PTPRM: variants seen among roughly 807,000 people sequenced by gnomAD.
PTPRM encodes receptor-type tyrosine-protein phosphatase mu.
Under a neutral mutation model 186.7 loss-of-function variants are expected in PTPRM, and 47 were observed. The ratio of observed to expected loss-of-function variants is 0.25; its 90% CI spans 0.20 to 0.32. PTPRM has a LOEUF of 0.32. PTPRM is among the 10% of genes least tolerant of loss of function. The pLI, the probability that PTPRM is intolerant of heterozygous loss-of-function variation, is 1.00. For missense variants in PTPRM, 1,494 were observed against 1,865.0 expected (o/e 0.80, Z 3.66); for synonymous variants, 668 against 674.9 (o/e 0.99, Z 0.16).
intron 7 of PTPRM, among the ~76,000 whole-genome samples, chr18:8,028,677 T>A (rs2085735621): frequency 6.6e-6 from 1 of 152,210 alleles, no homozygotes; most frequent in Non-Finnish European, 1.5e-5. Context: ...ATTTATTAAA[T>A]ACTTACTATA....
chr18:7,849,760 C>T (rs1246827363), intron 2 of PTPRM, among the ~76,000 whole-genome samples: 1 of 152,152 alleles, frequency 6.6e-6, no homozygotes, highest in Non-Finnish European at 1.5e-5. Flanking sequence ...TGTGTCTTTA[C>T]TTAGCAAAGG....
At chr18:7,813,781 G>C (rs769740704) in intron 2 of PTPRM, among the ~76,000 whole-genome samples, 2 of 150,990 alleles carry the variant, frequency 1.3e-5, no homozygotes, top group Non-Finnish European at 1.5e-5. Flanking sequence ...CCCTATGGGA[G>C]ATGAGTTGTC....
In PTPRM at chr18:7,615,765, A is replaced by G. The variant is rs376690398; in HGVS notation, c.73+47874A>G. Among the ~76,000 whole-genome samples, 122 of 152,154 alleles carry G rather than the reference A, an allele frequency of 8.0e-4. 1 individual carries two copies. Among genetic ancestry groups the G allele is most frequent in the Admixed American group, 7.1e-3 (108 of 15,278 alleles). On this transcript the variant is annotated intron_variant, in intron 1 of 32. Transcript: ENST00000580170. ...TACATTTATTGTGCCCTTTATTCCT[A>G]TTATTACATTGTAATATATAATGAA... is the stretch of plus-strand genomic sequence containing the variant.
intron 14 of PTPRM, among the ~76,000 whole-genome samples, chr18:8,168,050 A>AT (rs1195654619): frequency 5.9e-5 from 9 of 152,190 alleles, no homozygotes; most frequent in Non-Finnish European, 1.3e-4. Flanking sequence ...TAAGCAGGAA[A>AT]TGGTCTCTGC....
intron 7 of PTPRM, among the ~76,000 whole-genome samples, chr18:8,026,259 G>A (rs2148012591): frequency 6.6e-6 from 1 of 152,330 alleles, no homozygotes; most frequent in South Asian, 2.1e-4. Context: ...GATAAATTTA[G>A]AGAAGTGGAA....
chr18:8,092,420 T>A (rs1036997656), intron 11 of PTPRM, among the ~76,000 whole-genome samples: 2 of 151,984 alleles, frequency 1.3e-5, no homozygotes, highest in African/African-American at 4.8e-5. Flanking sequence ...TTTATGTATT[T>A]ATTCTTTTTT....
intron 1 of PTPRM, among the ~76,000 whole-genome samples, chr18:7,602,152 C>T (rs2037418053): frequency 6.6e-6 from 1 of 152,184 alleles, no homozygotes; most frequent in Non-Finnish European, 1.5e-5. Flanking sequence ...AGTCTGTGCT[C>T]TTTAAAGTGG....
chr18:8,329,125 G>A (rs1254933177), intron 22 of PTPRM, among the ~76,000 whole-genome samples: 1 of 152,186 alleles, frequency 6.6e-6, no homozygotes, highest in Non-Finnish European at 1.5e-5. Context: ...GATTTAAGGT[G>A]TCTTAAAACA....
chr18:8,301,474 C>T (rs1005123674), intron 20 of PTPRM, among the ~76,000 whole-genome samples: 3 of 152,322 alleles, frequency 2.0e-5, no homozygotes, highest in East Asian at 1.9e-4. Context: ...GCAGCCGGCT[C>T]CTCTTTCTAG....
chr18:7,750,416 C>G (rs557361165), intron 1 of PTPRM, among the ~76,000 whole-genome samples: 1 of 152,352 alleles, frequency 6.6e-6, no homozygotes, highest in East Asian at 1.9e-4. Flanking sequence ...CACCTGTGTG[C>G]TCACTGGCTA....
intron 19 of PTPRM, among the ~76,000 whole-genome samples, chr18:8,294,452 C>T (rs1055220265): frequency 3.3e-5 from 5 of 152,138 alleles, no homozygotes; most frequent in East Asian, 1.9e-4. Context: ...GCTTATAAAA[C>T]GATCAAATCT....
intron 1 of PTPRM, among the ~76,000 whole-genome samples, chr18:7,661,723 TG>T (rs1172926744): frequency 6.6e-6 from 1 of 152,234 alleles, no homozygotes; most frequent in Non-Finnish European, 1.5e-5. Context: ...TGATTTGCAC[TG>T]CCAGAATATA....
At chr18:8,182,271 A>G (rs1185126426) in intron 14 of PTPRM, among the ~76,000 whole-genome samples, 2 of 152,038 alleles carry the variant, frequency 1.3e-5, no homozygotes, top group East Asian at 3.9e-4. Flanking sequence ...ACTTGGGTAT[A>G]TTGCATGATG....
At chr18:8,262,358 T>C (rs1158964954) in intron 19 of PTPRM, among the ~76,000 whole-genome samples, 1 of 152,236 alleles carries the variant, frequency 6.6e-6, no homozygotes, top group Non-Finnish European at 1.5e-5. Context: ...TGCCACGGAT[T>C]CTTTCCAAAA....
chr18:8,249,016 A>G (rs927693049), intron 17 of PTPRM, among the ~76,000 whole-genome samples: 7 of 152,226 alleles, frequency 4.6e-5, no homozygotes, highest in Admixed American at 1.3e-4. Flanking sequence ...TTTGAGACGC[A>G]TAAATAACCT....
intron 2 of PTPRM, among the ~76,000 whole-genome samples, chr18:7,877,155 C>T (rs1020696272): frequency 1.3e-5 from 2 of 152,062 alleles, no homozygotes; most frequent in African/African-American, 4.8e-5. Context: ...TCATAATCAC[C>T]ATTAATTATT....
At chr18:8,287,108 G>A (rs1350779607) in intron 19 of PTPRM, among the ~76,000 whole-genome samples, 2 of 150,448 alleles carry the variant, frequency 1.3e-5, no homozygotes, top group African/African-American at 4.9e-5. Context: ...AAAAAAAAAA[G>A]AGAAAAGAGG....
At chr18:7,703,447 G>A (rs977510060) in intron 1 of PTPRM, among the ~76,000 whole-genome samples, 1 of 152,166 alleles carries the variant, frequency 6.6e-6, no homozygotes, top group Non-Finnish European at 1.5e-5. Context: ...GTGAATGTGA[G>A]TTCACTCATG....
In PTPRM at chr18:8,085,767, T is replaced by C. The variant is rs747543276; in HGVS notation, c.1648T>C (p.Phe550Leu). The C allele has an allele frequency of 3.1e-6, 5 of 1,613,188 alleles. No individual in the cohort carries two copies. In the Admixed American group the frequency reaches 8.3e-5, roughly 27 times the overall value. Reference sequence around the variant, plus strand: ...GCTGGGAAATGAAACCCATTTTCTGTTTTTTGGACTGTATCCGGGGACCAC... The same window carrying C: ...GCTGGGAAATGAAACCCATTTTCTGCTTTTTGGACTGTATCCGGGGACCAC... ...SKLGNETHFLFFGLYPGTTYS... is the reference protein window; with the variant it reads ...SKLGNETHFLLFGLYPGTTYS... The change falls in exon 10 of 33, where the codon TTT (phenylalanine) becomes CTT (leucine). Residue 550 changes from phenylalanine (F) to leucine (L), a missense_variant. Phe to Leu is a conservative substitution (Grantham distance 22). Around this residue, in one of 3 missense-constraint regions of PTPRM, gnomAD observed 1,107 missense variants for 1,350.2 expected, o/e 0.82. Transcript: ENST00000580170.
Sources: allele counts gnomAD v4.1 joint callset (sites outside exome capture counted in the v4.1 genomes callset), GRCh38; gene constraint gnomAD v4.1.1; regional missense constraint gnomAD v4.1.1; transcripts MANE v1.5; gene names NCBI Gene and HGNC (gene_info 2026-07-23, HGNC 2026-07-21).